The following HMGN5 variants were observed in gnomAD, a reference collection of about 807,000 sequenced individuals.
The protein encoded by HMGN5 is high mobility group nucleosome-binding domain-containing protein 5.
In HMGN5, 4 loss-of-function variants were observed where a neutral mutation model predicts 9.5. The ratio of observed to expected loss-of-function variants is 0.42; its 90% CI spans 0.21 to 0.96. The LOEUF (loss-of-function observed/expected upper bound fraction) is 0.96, where lower values mean the gene tolerates loss of function less well. Among genes scored for constraint, HMGN5 ranks in the 40% least tolerant of loss-of-function variants. HMGN5 has a pLI of 0.30. For missense variants in HMGN5, 192 were observed against 187.5 expected (o/e 1.02, Z -0.14); for synonymous variants, 55 against 57.1 (o/e 0.96, Z 0.16).
At chrX:81,173,654 T>A in intron 1 of HMGN5, among the ~76,000 whole-genome samples, 1 of 112,327 alleles carries the variant, frequency 8.9e-6, no homozygotes, top group Non-Finnish European at 1.9e-5. Context: ...ATATATACTA[T>A]TTTCTATAAC....
At chrX:81,159,809 A>G (rs1005726674) in intron 1 of HMGN5, among the ~76,000 whole-genome samples, 3 of 111,054 alleles carry the variant, frequency 2.7e-5, no homozygotes, top group African/African-American at 3.3e-5. Flanking sequence ...CATGAGCCAT[A>G]GTCAGTTTTT....
intron 1 of HMGN5, among the ~76,000 whole-genome samples, chrX:81,162,588 C>T (rs781722377): frequency 9.0e-6 from 1 of 111,421 alleles, no homozygotes; most frequent in East Asian, 2.8e-4. Flanking sequence ...TCTTCCATTT[C>T]CATGAGAGGG....
At chrX:81,118,866 A>G in intron 3 of HMGN5, 107 bp from the exon 4 acceptor site, 5 of 495,852 alleles carry the variant, frequency 1.0e-5, no homozygotes. Flanking sequence ...AAATATTGTC[A>G]TTAAGTAATT....
chrX:81,117,537 G>A (rs761819898), intron 5 of HMGN5, among the ~76,000 whole-genome samples: 39 of 110,561 alleles, frequency 3.5e-4, no homozygotes, highest in Non-Finnish European at 6.8e-4. Context: ...AAGCCACCAC[G>A]TCTGGCCTTA....
intron 1 of HMGN5, among the ~76,000 whole-genome samples, chrX:81,140,733 G>C (rs1444728936): frequency 9.0e-6 from 1 of 110,966 alleles, no homozygotes; most frequent in East Asian, 2.8e-4. Flanking sequence ...CATATGACCA[G>C]CTCTGGTGGA....
At chrX:81,144,873 A>G (rs997626544) in intron 1 of HMGN5, among the ~76,000 whole-genome samples, 2 of 111,920 alleles carry the variant, frequency 1.8e-5, no homozygotes, top group Non-Finnish European at 3.8e-5. Context: ...CAATTGCCAA[A>G]TCGATCAAGT....
intron 1 of HMGN5, among the ~76,000 whole-genome samples, chrX:81,161,638 A>G (rs746983545): frequency 9.0e-6 from 1 of 110,867 alleles, no homozygotes; most frequent in Non-Finnish European, 1.9e-5. Context: ...AGAGTGATAG[A>G]AAAAAGCCTT....
intron 1 of HMGN5, among the ~76,000 whole-genome samples, chrX:81,168,942 A>T (rs1392332000): frequency 1.8e-5 from 2 of 110,666 alleles, no homozygotes; most frequent in African/African-American, 6.6e-5. Context: ...CTAGAGAGAG[A>T]GTTAGAAATG....
chrX:81,155,159 A>C (rs1195014974), intron 1 of HMGN5, among the ~76,000 whole-genome samples: 69 of 98,312 alleles, frequency 7.0e-4, no homozygotes, highest in African/African-American at 2.4e-3. Context: ...TAACCAAAAA[A>C]CTCCTTACAA....
At position 81,143,530 on chromosome X, in the gene HMGN5, G is replaced by A. The variant is rs553816204; in HGVS notation, c.-123-21858C>T. 3.6e-5 allele frequency among the ~76,000 whole-genome samples: 4 copies of A among 112,421 alleles called. No individual in the cohort carries two copies. The South Asian group carries it at 1.5e-3, about 42-fold the overall frequency. ...TGCAGCCCATGCAGGGTGAGCCAAA[G>A]CAGAATGGGGCATTGCCTCACCCGG... On this transcript the variant is annotated intron_variant, in intron 1 of 6. Coordinates refer to ENST00000358130, the MANE Select transcript of HMGN5 (RefSeq NM_030763.3).
chrX:81,167,281 G>A (rs775896653), intron 1 of HMGN5, among the ~76,000 whole-genome samples: 8 of 110,840 alleles, frequency 7.2e-5, no homozygotes, highest in Admixed American at 2.9e-4. Flanking sequence ...TAAACTCTTG[G>A]TGCCTCAACA....
intron 1 of HMGN5, among the ~76,000 whole-genome samples, chrX:81,177,367 CAAAAAAAAAAAAAAAAAAA>C (rs148090852): frequency 9.4e-5 from 1 of 10,663 alleles, no homozygotes; most frequent in Non-Finnish European, 1.7e-4. Context: ...AAATGGAAAG[CAAAAAAAAAAAAAAAAAAA>C]AAAAAAAAAA....
At chrX:81,193,155 C>T (rs1031081367) in intron 1 of HMGN5, among the ~76,000 whole-genome samples, 7 of 110,945 alleles carry the variant, frequency 6.3e-5, no homozygotes, top group African/African-American at 2.0e-4. Context: ...TATAGCTGTT[C>T]GGAGAAATGA....
intron 1 of HMGN5, among the ~76,000 whole-genome samples, chrX:81,138,174 G>T (rs1271740575): frequency 1.8e-5 from 2 of 111,566 alleles, no homozygotes; most frequent in African/African-American, 6.5e-5. Context: ...TATCTATCAA[G>T]AACTTAGAAG....
intron 1 of HMGN5, among the ~76,000 whole-genome samples, chrX:81,156,959 C>G (rs779395776): frequency 2.5e-4 from 28 of 111,477 alleles, no homozygotes; most frequent in Non-Finnish European, 4.7e-4. Flanking sequence ...GGGCCTAGAA[C>G]TATTAAGTTT....
chrX:81,118,283 G>C (rs2075259797), intron 5 of HMGN5, 149 bp downstream of exon 5: 4 of 357,125 alleles, frequency 1.1e-5, no homozygotes. Flanking sequence ...CCCCACCCAA[G>C]GGGTTTACAT....
At chrX:81,177,522 A>AAT (rs1245164268) in intron 1 of HMGN5, among the ~76,000 whole-genome samples, 1 of 110,277 alleles carries the variant, frequency 9.1e-6, no homozygotes, top group Non-Finnish European at 1.9e-5. Flanking sequence ...AACTATCCTA[A>AAT]ATATATATGT....
chrX:81,176,555 T>C (rs973101736), intron 1 of HMGN5, among the ~76,000 whole-genome samples: 1 of 111,215 alleles, frequency 9.0e-6, no homozygotes, highest in Non-Finnish European at 1.9e-5. Flanking sequence ...GTTAGACGAA[T>C]GGCTAACTAG....
At chrX:81,117,147 TAA>T (rs1027216847) in intron 5 of HMGN5, among the ~76,000 whole-genome samples, 8 of 111,501 alleles carry the variant, frequency 7.2e-5, no homozygotes, top group Admixed American at 9.6e-5. Context: ...AATTTAGATA[TAA>T]GTTATTACTC....
Sources: allele counts gnomAD v4.1 joint callset (sites outside exome capture counted in the v4.1 genomes callset), GRCh38; gene constraint gnomAD v4.1.1; transcripts MANE v1.5; gene names NCBI Gene and HGNC (gene_info 2026-07-23, HGNC 2026-07-21).